Variants in CFAP251 observed in about 807,000 individuals in gnomAD.
CFAP251 encodes cilia and flagella associated protein 251.
Under a neutral mutation model 126.7 loss-of-function variants are expected in CFAP251, and 93 were observed. That is an observed-to-expected ratio of 0.73 (90% CI 0.62 to 0.87). CFAP251 has a LOEUF of 0.87. CFAP251 is among the 40% of genes least tolerant of loss of function. The pLI is 0.00. For synonymous variants in CFAP251, 503 were observed against 506.9 expected, an observed-to-expected ratio of 0.99 and a Z score of 0.10; for missense variants, 1,287 against 1,389.2, an observed-to-expected ratio of 0.93 and a Z score of 1.17.
chr12:121,993,580 G>A (rs1431395302), intron 19 of CFAP251, among the ~76,000 whole-genome samples: 5 of 139,724 alleles, frequency 3.6e-5, no homozygotes, highest in East Asian at 4.5e-4. Context: ...CTGCCCGGCC[G>A]CCCATCGTCT....
chr12:121,928,156 G>A (rs1201482326), intron 3 of CFAP251, among the ~76,000 whole-genome samples: 2 of 152,108 alleles, frequency 1.3e-5, no homozygotes, highest in Non-Finnish European at 2.9e-5. Flanking sequence ...TCACTAATTT[G>A]TTAAATGGCA....
chr12:121,945,084 T>C (rs1881266156), intron 7 of CFAP251, among the ~76,000 whole-genome samples: 1 of 151,812 alleles, frequency 6.6e-6, no homozygotes. Flanking sequence ...CACCTGGCCC[T>C]CTTCTTCTTT....
At chr12:121,988,437 G>A (rs1252610486) in intron 19 of CFAP251, among the ~76,000 whole-genome samples, 1 of 152,080 alleles carries the variant, frequency 6.6e-6, no homozygotes, top group African/African-American at 2.4e-5. Context: ...TCTATGGATT[G>A]GCCTATCTTG....
At chr12:121,983,705 G>T (rs1001164285) in intron 19 of CFAP251, among the ~76,000 whole-genome samples, 1 of 151,496 alleles carries the variant, frequency 6.6e-6, no homozygotes, top group Admixed American at 6.6e-5. Flanking sequence ...TGAGGGCCCC[G>T]CTCACCCTTG....
intron 7 of CFAP251, chr12:121,948,182 G>C (rs1361775415): frequency 6.6e-6 from 1 of 152,156 alleles, no homozygotes; most frequent in African/African-American, 2.4e-5. Context: ...TGCAGGGTTG[G>C]TTTTTGGGAA....
intron 15 of CFAP251, among the ~76,000 whole-genome samples, chr12:121,963,986 T>C (rs1030534483): frequency 5.3e-5 from 8 of 151,854 alleles, no homozygotes; most frequent in Non-Finnish European, 1.2e-4. Context: ...GGGAGAATGT[T>C]TCAGTGATCC....
intron 3 of CFAP251, among the ~76,000 whole-genome samples, chr12:121,925,608 G>T (rs1880378207): frequency 6.6e-6 from 1 of 152,196 alleles, no homozygotes; most frequent in Admixed American, 6.5e-5. Context: ...CCGAGAGAAA[G>T]AATAATTGAG....
intron 13 of CFAP251, chr12:121,959,465 G>A (rs917238421): frequency 6.0e-6 from 1 of 167,046 alleles, no homozygotes; most frequent in African/African-American, 2.4e-5. Context: ...TGTCCCTTCC[G>A]GCGCTCTCCA....
At chr12:121,944,845 C>T (rs555324082) in intron 7 of CFAP251, among the ~76,000 whole-genome samples, 8 of 152,316 alleles carry the variant, frequency 5.3e-5, no homozygotes, top group East Asian at 1.9e-4. Flanking sequence ...AGCAGTGGCG[C>T]GATCTCAGCT....
chr12:121,966,984 C>T lies in CFAP251; in HGVS notation c.2522C>T (p.Ser841Phe), dbSNP rs1462461418. ...RKTLLGPAYG[S>F]PIEQTQVLPV... ...ACGCTTCTGGGGCCAGCTTATGGTT[C>T]CCCTATTGAGCAGACACAAGTCCTC... The change falls in exon 16 of 22, where the codon TCC (serine) becomes TTC (phenylalanine). Residue 841 changes from serine (S) to phenylalanine (F), a missense_variant. Transcript: ENST00000288912. 3 of 1,614,184 alleles carry T rather than the reference C, an allele frequency of 1.9e-6. No homozygotes were observed. Among genetic ancestry groups the T allele is most frequent in the Non-Finnish European group, 2.5e-6 (3 of 1,180,024 alleles).
intron 3 of CFAP251, among the ~76,000 whole-genome samples, chr12:121,925,327 C>T (rs147232158): frequency 6.6e-6 from 1 of 152,242 alleles, no homozygotes; most frequent in East Asian, 1.9e-4. Flanking sequence ...CCTCCATCTG[C>T]TACTTTCTGA....
chr12:121,998,591 G>A (rs1020721167), intron 19 of CFAP251: 8 of 149,546 alleles, frequency 5.3e-5, no homozygotes, highest in Non-Finnish European at 8.9e-5. Context: ...GAACCTCCAG[G>A]ACAGTGTGGA....
intron 15 of CFAP251, 32 bp downstream of exon 15, chr12:121,962,194 C>A: frequency 6.3e-7 from 1 of 1,598,602 alleles, no homozygotes; most frequent in Non-Finnish European, 8.5e-7. Flanking sequence ...TTGCAGGGGG[C>A]GTGGATCAAG....
At chr12:121,956,151 C>T (rs961925135) in intron 10 of CFAP251, among the ~76,000 whole-genome samples, 9 of 152,232 alleles carry the variant, frequency 5.9e-5, no homozygotes, top group African/African-American at 1.2e-4. Flanking sequence ...GTGGCACTGC[C>T]TTCTGCCGTG....
intron 19 of CFAP251, among the ~76,000 whole-genome samples, chr12:121,980,401 C>T (rs1185221989): frequency 6.7e-6 from 1 of 150,130 alleles, no homozygotes; most frequent in African/African-American, 2.5e-5. Context: ...TTCATTCTCA[C>T]TTCCTTCTTT....
intron 5 of CFAP251, among the ~76,000 whole-genome samples, chr12:121,937,070 T>A (rs71456721): frequency 2.0e-5 from 3 of 152,166 alleles, no homozygotes. Context: ...ACATCTACTG[T>A]TTTTTACTTT....
chr12:121,949,949 T>A (rs1396796834), intron 8 of CFAP251: 1 of 152,168 alleles, frequency 6.6e-6, no homozygotes, highest in East Asian at 1.9e-4. Context: ...ATGGAATAGC[T>A]ATGTGACTCA....
chr12:121,925,148 C>T (rs1341618053), intron 3 of CFAP251, among the ~76,000 whole-genome samples: 1 of 152,130 alleles, frequency 6.6e-6, no homozygotes, highest in African/African-American at 2.4e-5. Context: ...CCAAGAGGGT[C>T]CCAGAGTGGA....
chr12:121,942,932 C>T lies in CFAP251; in HGVS notation c.1148C>T (p.Thr383Met), dbSNP rs34768683. 0.039 allele frequency: 62,489 copies of T among 1,614,040 alleles called. 3,061 individuals are homozygous for T. Among genetic ancestry groups the T allele is most frequent in the African/African-American group, 0.2 (15,363 of 74,968 alleles). ...TGGAAGTGGACTTTGGCAGTGGAAA[C>T]GCCAGCATGCACTCTCGAACTCCCC... ...CIWKWTLAVE[T>M]PACTLELPTE... is the part of the protein sequence containing the mutation. Residue 383 changes from threonine (T) to methionine (M), a missense_variant, in exon 7 of 22, where the codon ACG becomes ATG. Physicochemically the swap from Thr to Met is moderately conservative, Grantham distance 81. Coordinates refer to ENST00000288912, the MANE Select transcript of CFAP251 (RefSeq NM_144668.6).
Sources: allele counts gnomAD v4.1 joint callset (sites outside exome capture counted in the v4.1 genomes callset), GRCh38; gene constraint gnomAD v4.1.1; transcripts MANE v1.5; gene names NCBI Gene and HGNC (gene_info 2026-07-23, HGNC 2026-07-21).